POLN: variants seen among roughly 807,000 people sequenced by gnomAD.
POLN encodes the protein DNA polymerase nu, also known as DNA polymerase N.
POLN carries 108 observed loss-of-function variants against 113.5 expected under a neutral mutation model. The ratio of observed to expected loss-of-function variants is 0.95; its 90% CI spans 0.81 to 1.12. The LOEUF (loss-of-function observed/expected upper bound fraction) is 1.12, where lower values mean the gene tolerates loss of function less well. Among genes scored for constraint, POLN ranks in the 50% most tolerant of loss-of-function variants. The probability of loss-of-function intolerance (pLI) is 0.00; values close to 1 mark genes in which losing one functional copy is unlikely to be tolerated. For synonymous variants in POLN, 386 were observed against 391.5 expected (o/e 0.99, Z 0.17); for missense variants, 1,097 against 1,077.1 (o/e 1.02, Z -0.26).
chr4:2,157,866 T>A lies in POLN; in HGVS notation c.1657A>T (p.Met553Leu), dbSNP rs1342599230. Reference protein sequence around the residue: ...STFVDGLLACMKKGSISSTWN... With the variant: ...STFVDGLLACLKKGSISSTWN... ...TTTGTAAAGCTTGTTACCTTTTTCATGCAAGCTAGTAATCCATCTACAAAG... is the reference window on the plus strand; with the variant it reads ...TTTGTAAAGCTTGTTACCTTTTTCAAGCAAGCTAGTAATCCATCTACAAAG... The change falls in exon 15 of 26, where the codon ATG becomes TTG. Residue 553 changes from methionine (M) to leucine (L), a missense_variant. By Grantham distance (15) the Met-to-Leu change is conservative. Transcript: ENST00000511885. 1.2e-6 allele frequency: 2 copies of A among 1,606,610 alleles called. No homozygotes were observed. Among genetic ancestry groups the A allele is most frequent in the Non-Finnish European group, 1.7e-6 (2 of 1,174,050 alleles).
intron 9 of POLN, among the ~76,000 whole-genome samples, chr4:2,175,170 T>C (rs916271216): frequency 6.6e-6 from 1 of 152,120 alleles, no homozygotes; most frequent in Non-Finnish European, 1.5e-5. Context: ...ACCCCTATCA[T>C]GGGCATGGCT....
At chr4:2,150,094 C>G (rs775928832) in intron 16 of POLN, among the ~76,000 whole-genome samples, 4 of 151,212 alleles carry the variant, frequency 2.6e-5, no homozygotes, top group Admixed American at 6.6e-5. Flanking sequence ...AAAACAAAAA[C>G]AAAAACAAAA....
chr4:2,178,617 T>G (rs1403162251), intron 8 of POLN, among the ~76,000 whole-genome samples: 12 of 151,534 alleles, frequency 7.9e-5, no homozygotes, highest in Admixed American at 7.9e-4. Context: ...CAAGACAGTT[T>G]TTTTTTTTTT....
chr4:2,142,810 T>C (rs1479165638), intron 16 of POLN, among the ~76,000 whole-genome samples: 1 of 151,788 alleles, frequency 6.6e-6, no homozygotes, highest in Admixed American at 6.6e-5. Flanking sequence ...CAAAAACCCG[T>C]GATTGTGGTT....
At chr4:2,152,754 A>C (rs1175413073) in intron 16 of POLN, among the ~76,000 whole-genome samples, 1 of 152,174 alleles carries the variant, frequency 6.6e-6, no homozygotes, top group Non-Finnish European at 1.5e-5. Flanking sequence ...GTATTTAAAT[A>C]ATCTTGGAGC....
intron 10 of POLN, among the ~76,000 whole-genome samples, chr4:2,174,448 T>G (rs7679992): frequency 0.25 from 37,290 of 151,908 alleles, 7,032 homozygotes; most frequent in African/African-American, 0.51. Context: ...TACTCCTCCT[T>G]GGCCAGGCAG....
At chr4:2,124,830 T>C (rs1731539829) in intron 19 of POLN, among the ~76,000 whole-genome samples, 2 of 151,914 alleles carry the variant, frequency 1.3e-5, no homozygotes, top group Admixed American at 1.3e-4. Context: ...AGGCACATCC[T>C]GGAGGCGATC....
At chr4:2,231,814 CAAATT>C (rs768502633) in intron 2 of POLN, 5 of 607,738 alleles carry the variant, frequency 8.2e-6, no homozygotes, top group Non-Finnish European at 1.5e-5. Context: ...TTCAATTCAT[CAAATT>C]AAATGTTCCA....
chr4:2,191,646 G>GA (rs910528011), intron 7 of POLN, among the ~76,000 whole-genome samples: 1 of 151,378 alleles, frequency 6.6e-6, no homozygotes, highest in African/African-American at 2.4e-5. Context: ...TTTTTAGAAG[G>GA]AAAAAAAAGA....
chr4:2,117,067 C>T (rs1731332972), intron 19 of POLN, among the ~76,000 whole-genome samples: 1 of 152,200 alleles, frequency 6.6e-6, no homozygotes, highest in South Asian at 2.1e-4. Flanking sequence ...TGCAACATGT[C>T]CATTACAGGT....
At chr4:2,188,093 G>A (rs1397777738) in intron 7 of POLN, among the ~76,000 whole-genome samples, 1 of 152,086 alleles carries the variant, frequency 6.6e-6, no homozygotes, top group Non-Finnish European at 1.5e-5. Context: ...TCCAGCCTGG[G>A]TGACAGAGTG....
At chr4:2,155,262 T>C (rs975107376) in intron 16 of POLN, among the ~76,000 whole-genome samples, 2 of 152,208 alleles carry the variant, frequency 1.3e-5, no homozygotes, top group East Asian at 3.8e-4. Flanking sequence ...GGTATTCACA[T>C]GGATATTGGT....
chr4:2,073,072 C>G (rs1730191074), intron 24 of POLN, 43 bp from the exon 25 acceptor site: 1 of 1,598,226 alleles, frequency 6.3e-7, no homozygotes, highest in Non-Finnish European at 8.6e-7. Flanking sequence ...GTCTCTTGGC[C>G]TTGGGGCCTG....
At chr4:2,113,858 A>T (rs1285952771) in intron 19 of POLN, among the ~76,000 whole-genome samples, 1 of 135,728 alleles carries the variant, frequency 7.4e-6, no homozygotes, top group African/African-American at 2.7e-5. Context: ...ACTCCATTTC[A>T]AAATAATAAT....
intron 25 of POLN, 104 bp downstream of exon 25, chr4:2,072,864 G>A (rs537154397): frequency 2.9e-5 from 36 of 1,261,284 alleles, no homozygotes; most frequent in Middle Eastern, 2.6e-4. Context: ...TGGCCATCTC[G>A]GGGCTGGGGC....
At position 2,126,494 on chromosome 4, in the gene POLN, C is replaced by T. The variant is rs951644338; in HGVS notation, c.1982+1619G>A. Among the ~76,000 whole-genome samples, 10 of 152,140 alleles carry T rather than the reference C, an allele frequency of 6.6e-5. No individual in the cohort carries two copies. The highest frequency in any genetic ancestry group is 2.1e-4 in the South Asian group (1 of 4,822). ...GGTGGATGAGGTCTCGGCCCCTGGG[C>T]GCTGTCGCTGCAGCAGGATGGACAG... On this transcript the variant is annotated intron_variant, in intron 19 of 25. Coordinates refer to ENST00000511885, the MANE Select transcript of POLN (RefSeq NM_181808.4). The surrounding 1 kb of genome is among the most constrained non-coding windows in gnomAD (Gnocchi z 4.6).
At chr4:2,240,916 A>G (rs1476809954) in intron 2 of POLN, 1 of 1,600,052 alleles carries the variant, frequency 6.2e-7, no homozygotes, top group Non-Finnish European at 8.5e-7. Context: ...ATTTTTTTTA[A>G]TGTTTCCACA....
chr4:2,082,705 T>C (rs1355816601), intron 21 of POLN: 1 of 152,192 alleles, frequency 6.6e-6, no homozygotes, highest in Admixed American at 6.5e-5. Context: ...TATACAAGAT[T>C]CTTAAGAAGG....
At chr4:2,213,000 A>G in intron 4 of POLN, 47 bp downstream of exon 4, 1 of 1,365,438 alleles carries the variant, frequency 7.3e-7, no homozygotes, top group Non-Finnish European at 1.0e-6. Flanking sequence ...CATCTATTGA[A>G]CAAATAAGTT....
Sources: gnomAD v4.1 joint callset for allele counts (sites outside exome capture counted in the v4.1 genomes callset) on GRCh38, gnomAD v4.1.1 for gene constraint, Gnocchi (gnomAD v3.1) non-coding constraint, MANE v1.5 for transcripts, NCBI Gene and HGNC (gene_info 2026-07-23, HGNC 2026-07-21) for gene names.